Variants in CHD2 observed in about 807,000 individuals in gnomAD.
CHD2 encodes the protein chromodomain helicase DNA binding protein 2.
In CHD2, 28 loss-of-function variants were observed where a neutral mutation model predicts 243.9. The observed-to-expected ratio is 0.11, with a 90% CI of 0.09 to 0.16. The LOEUF (loss-of-function observed/expected upper bound fraction) is 0.16, where lower values mean the gene tolerates loss of function less well. Ranked by LOEUF, CHD2 falls within the 10% of genes least tolerant of loss-of-function variation. The pLI is 1.00. For missense variants in CHD2, 1,386 were observed against 2,209.8 expected, an observed-to-expected ratio of 0.63 and a Z score of 7.47; for synonymous variants, 775 against 779.0, an observed-to-expected ratio of 0.99 and a Z score of 0.09.
chr15:92,968,326 A>G (rs1389751255), intron 17 of CHD2, among the ~76,000 whole-genome samples: 3 of 152,186 alleles, frequency 2.0e-5, no homozygotes, highest in Non-Finnish European at 4.4e-5. Flanking sequence ...GTTTGAGACC[A>G]GCCTGGGCAA....
At chr15:92,973,443 A>C (rs2053868819) in intron 19 of CHD2, among the ~76,000 whole-genome samples, 1 of 152,150 alleles carries the variant, frequency 6.6e-6, no homozygotes, top group South Asian at 2.1e-4. Flanking sequence ...TAAAACTTTG[A>C]ATGGATGAAC....
At chr15:92,932,672 A>G (rs945349930) in intron 5 of CHD2, among the ~76,000 whole-genome samples, 1 of 152,074 alleles carries the variant, frequency 6.6e-6, no homozygotes, top group Non-Finnish European at 1.5e-5. Context: ...CTTTTAGGAC[A>G]TTGATGTTTT....
At chr15:92,901,538 T>C (rs532435955) in intron 2 of CHD2, 3 of 543,254 alleles carry the variant, frequency 5.5e-6, no homozygotes, top group Non-Finnish European at 9.8e-6. Context: ...AAAGGTAAGG[T>C]ACCTTTATTC....
chr15:92,976,745 T>TA (rs2053914691), intron 20 of CHD2, among the ~76,000 whole-genome samples: 1 of 151,428 alleles, frequency 6.6e-6, no homozygotes, highest in Non-Finnish European at 1.5e-5. Context: ...TACAAAAAAT[T>TA]AAAAAATGAG....
intron 22 of CHD2, among the ~76,000 whole-genome samples, chr15:92,980,283 A>G (rs1409270081): frequency 6.8e-6 from 1 of 146,922 alleles, no homozygotes; most frequent in African/African-American, 2.5e-5. Flanking sequence ...CTGGTCTCAA[A>G]CTCCTGACCT....
intron 32 of CHD2, among the ~76,000 whole-genome samples, chr15:93,001,743 C>A (rs1056720600): frequency 1.3e-5 from 2 of 152,138 alleles, no homozygotes; most frequent in African/African-American, 4.8e-5. Context: ...TGTCAAACTC[C>A]TGACCTCAGG....
intron 11 of CHD2, 62 bp from the exon 12 acceptor site, chr15:92,945,976 A>C: frequency 6.7e-7 from 1 of 1,500,690 alleles, no homozygotes; most frequent in Non-Finnish European, 9.0e-7. Context: ...CATAAAACAG[A>C]ATGTCATTTT....
In CHD2 at chr15:92,953,529, A is replaced by G. The variant is rs763886628; in HGVS notation, c.1675A>G (p.Ile559Val). 2.5e-6 allele frequency: 4 copies of G among 1,614,180 alleles called. No homozygotes were observed. The highest frequency in any genetic ancestry group is 2.2e-5 in the South Asian group (2 of 91,088). Residue 559 changes from isoleucine (I) to valine (V), a missense_variant, in exon 14 of 39, where the codon ATT (isoleucine) becomes GTT (valine). By Grantham distance (29) the Ile-to-Val change is conservative. Transcript: ENST00000394196. Reference protein sequence around the residue: ...QREFEIWAPEINVVVYIGDLM... With the variant: ...QREFEIWAPEVNVVVYIGDLM... ...AGAGTTTGAAATCTGGGCACCAGAG[A>G]TTAACGTAGTGGTTTACATAGGTGA...
Position 92,998,230 on chromosome 15 carries a change from A to C in CHD2, c.3886-269A>C. On this transcript the variant is annotated intron_variant, in intron 30 of 38. Transcript: ENST00000394196. The surrounding 1 kb of genome is among the most constrained non-coding windows in gnomAD (Gnocchi z 5.1). The stretch of plus-strand genomic sequence containing the variant: ...GCAGATGAAGCCACAAGCCCCTCCT[A>C]CCTGAGTTGTTCTACCCTGTTAACA... 9.0e-7 allele frequency: 1 copy of C among 1,112,152 alleles called. No individual in the cohort carries two copies. Among genetic ancestry groups the C allele is most frequent in the Middle Eastern group, 3.9e-4 (1 of 2,540 alleles). 68.9% of individuals were successfully genotyped at this position (1,112,152 alleles called of 1,614,324 possible). A position where few individuals can be genotyped will look rare whatever the true frequency, so the allele number is the denominator to read the frequency against.
At chr15:92,989,573 C>G (rs2054090485) in intron 26 of CHD2, among the ~76,000 whole-genome samples, 2 of 152,052 alleles carry the variant, frequency 1.3e-5, no homozygotes. Context: ...TAGTGGTCAG[C>G]TAATGATTGA....
intron 4 of CHD2, 25 bp downstream of exon 4, chr15:92,927,355 A>G (rs371973456): frequency 2.9e-5 from 45 of 1,529,266 alleles, no homozygotes; most frequent in Non-Finnish European, 4.0e-5. Flanking sequence ...TTTTAAGGGC[A>G]TGCATTTAAA....
At chr15:92,990,489 C>G (rs961285000) in intron 26 of CHD2, among the ~76,000 whole-genome samples, 4 of 152,128 alleles carry the variant, frequency 2.6e-5, no homozygotes, top group Non-Finnish European at 4.4e-5. Flanking sequence ...TTCACAGACC[C>G]TTAGTCTGTC....
At chr15:92,918,024 G>C (rs1020658446) in intron 2 of CHD2, among the ~76,000 whole-genome samples, 1 of 152,186 alleles carries the variant, frequency 6.6e-6, no homozygotes, top group African/African-American at 2.4e-5. Context: ...CGGCCATTTT[G>C]TAAGTTAGCA....
At chr15:92,902,979 C>T (rs1403714921) in intron 2 of CHD2, among the ~76,000 whole-genome samples, 4 of 152,166 alleles carry the variant, frequency 2.6e-5, no homozygotes, top group Non-Finnish European at 4.4e-5. Context: ...CATTTGCTTA[C>T]TGGTAGTGGA....
At chr15:92,930,543 C>G (rs4287517) in intron 5 of CHD2, among the ~76,000 whole-genome samples, 1 of 152,066 alleles carries the variant, frequency 6.6e-6, no homozygotes, top group Non-Finnish European at 1.5e-5. Flanking sequence ...ATTGACCCAC[C>G]TAAGCCACTC....
In CHD2 at chr15:93,001,041, G is replaced by A. The variant is rs143371923; in HGVS notation, c.4137+401G>A. 2.6e-3 allele frequency among the ~76,000 whole-genome samples: 400 copies of A among 152,252 alleles called. 4 individuals are homozygous for A. Among genetic ancestry groups the A allele is most frequent in the African/African-American group, 9.2e-3 (381 of 41,542 alleles). On this transcript the variant is annotated intron_variant, in intron 32 of 38. Transcript: ENST00000394196. ...CTGCCACCACGCCAGGCTCATTTTT[G>A]TATTGTAAGTAGAGATGGGGTTTCA... is the stretch of plus-strand genomic sequence containing the variant.
chr15:92,937,453 G>T, intron 5 of CHD2, 65 bp from the exon 6 acceptor site: 2 of 1,228,398 alleles, frequency 1.6e-6, no homozygotes, highest in Non-Finnish European at 2.3e-6. Flanking sequence ...AATTGGTTTT[G>T]TCGGATTATT....
chr15:92,921,792 C>T (rs2141739537), intron 2 of CHD2, among the ~76,000 whole-genome samples: 1 of 152,266 alleles, frequency 6.6e-6, no homozygotes, highest in African/African-American at 2.4e-5. Context: ...GTAGATGTCA[C>T]ATAGGTTGAC....
At chr15:92,938,690 T>TA (rs1434949314) in intron 6 of CHD2, among the ~76,000 whole-genome samples, 2 of 152,248 alleles carry the variant, frequency 1.3e-5, no homozygotes, top group African/African-American at 4.8e-5. Flanking sequence ...ATGAGAAAGG[T>TA]ATGGGAGGTA....
Sources: gnomAD v4.1 joint callset for allele counts (sites outside exome capture counted in the v4.1 genomes callset) on GRCh38, gnomAD v4.1.1 for gene constraint, Gnocchi (gnomAD v3.1) non-coding constraint, MANE v1.5 for transcripts, NCBI Gene and HGNC (gene_info 2026-07-23, HGNC 2026-07-21) for gene names.